Variants in HS6ST2 observed in about 807,000 individuals in gnomAD.
The protein encoded by HS6ST2 is heparan-sulfate 6-O-sulfotransferase 2.
HS6ST2 carries 17 observed loss-of-function variants against 33.0 expected under a neutral mutation model. The ratio of observed to expected loss-of-function variants is 0.52; its 90% confidence interval spans 0.35 to 0.77. The LOEUF is 0.77. Among genes scored for constraint, HS6ST2 ranks in the 30% least tolerant of loss-of-function variants. HS6ST2 has a pLI of 0.01. For synonymous variants in HS6ST2, 248 were observed against 237.1 expected (o/e 1.05, Z -0.42); for missense variants, 519 against 551.7 (o/e 0.94, Z 0.59).
chrX:132,673,073 T>C (rs1419348523), intron 3 of HS6ST2, among the ~76,000 whole-genome samples: 1 of 112,227 alleles, frequency 8.9e-6, no homozygotes, highest in Non-Finnish European at 1.9e-5. Context: ...GTACTGAAAT[T>C]TTAAGAATTA....
chrX:132,795,122 C>T (rs961133588), intron 2 of HS6ST2, among the ~76,000 whole-genome samples: 1 of 111,399 alleles, frequency 9.0e-6, no homozygotes, highest in African/African-American at 3.3e-5. Flanking sequence ...GAGACTACTC[C>T]TTCCTTCCAC....
At chrX:132,704,548 A>C (rs778284536) in intron 3 of HS6ST2, among the ~76,000 whole-genome samples, 2 of 111,146 alleles carry the variant, frequency 1.8e-5, no homozygotes, top group South Asian at 7.7e-4. Context: ...GAGCGAAAAA[A>C]ACTCGTCTCA....
chrX:132,827,421 A>C (rs1198022692), intron 2 of HS6ST2, among the ~76,000 whole-genome samples: 1 of 110,740 alleles, frequency 9.0e-6, no homozygotes, highest in African/African-American at 3.3e-5. Context: ...ACAGGATGTT[A>C]CAGCAAAGGA....
chrX:132,647,721 A>T (rs1423985477), intron 4 of HS6ST2, among the ~76,000 whole-genome samples: 2 of 112,507 alleles, frequency 1.8e-5, no homozygotes, highest in Non-Finnish European at 3.8e-5. Context: ...TAACCATGGG[A>T]CAGGAGGAGA....
intron 2 of HS6ST2, among the ~76,000 whole-genome samples, chrX:132,797,202 G>A (rs1241394882): frequency 1.8e-5 from 2 of 111,737 alleles, no homozygotes; most frequent in Non-Finnish European, 3.8e-5. Flanking sequence ...CAATTAATCT[G>A]CCATATCCTT....
chrX:132,876,022 A>C (rs1021676997), intron 2 of HS6ST2, among the ~76,000 whole-genome samples: 4 of 111,782 alleles, frequency 3.6e-5, no homozygotes, highest in Non-Finnish European at 5.6e-5. Context: ...TGGGAGATTT[A>C]AAAATGACCA....
chrX:132,801,140 C>T (rs770462670), intron 2 of HS6ST2, among the ~76,000 whole-genome samples: 2 of 110,965 alleles, frequency 1.8e-5, no homozygotes, highest in Non-Finnish European at 3.8e-5. Context: ...AGGGGTATAC[C>T]CAGAAACCCA....
intron 3 of HS6ST2, among the ~76,000 whole-genome samples, chrX:132,686,636 C>T (rs925153930): frequency 4.5e-5 from 5 of 111,844 alleles, no homozygotes; most frequent in Admixed American, 1.9e-4. Flanking sequence ...ACACCAGTCC[C>T]CCCAAGTGAT....
intron 2 of HS6ST2, among the ~76,000 whole-genome samples, chrX:132,916,499 T>C (rs777519772): frequency 8.9e-6 from 1 of 112,172 alleles, no homozygotes; most frequent in Admixed American, 9.4e-5. Flanking sequence ...TTTGTGAGGG[T>C]GTTGCCATAG....
intron 2 of HS6ST2, among the ~76,000 whole-genome samples, chrX:132,860,777 C>CTTTTTTTT: frequency 3.8e-5 from 2 of 52,896 alleles, no homozygotes; most frequent in Admixed American, 2.2e-4. Context: ...GCATGTGTAT[C>CTTTTTTTT]TTTTTTTTTT....
intron 3 of HS6ST2, among the ~76,000 whole-genome samples, chrX:132,700,141 G>T (rs1211011469): frequency 1.8e-5 from 2 of 111,881 alleles, no homozygotes; most frequent in Non-Finnish European, 3.8e-5. Context: ...GCCATGAGAA[G>T]AAAGACCAAT....
intron 2 of HS6ST2, among the ~76,000 whole-genome samples, chrX:132,891,375 T>A (rs958338464): frequency 5.7e-5 from 5 of 88,438 alleles, no homozygotes; most frequent in Non-Finnish European, 1.1e-4. Flanking sequence ...ACAAAAGTTT[T>A]TTTTATTTTT....
At chrX:132,668,240 T>C (rs2063824777) in intron 4 of HS6ST2, 1 of 111,823 alleles carries the variant, frequency 8.9e-6, no homozygotes, top group Non-Finnish European at 1.9e-5. Flanking sequence ...TTAGAGCTTT[T>C]AGCATGATGA....
chrX:132,851,852 G>T lies in HS6ST2; in HGVS notation c.947+104956C>A, dbSNP rs538056459. Among the ~76,000 whole-genome samples the T allele has an allele frequency of 3.1e-4, 35 of 111,420 alleles. No individual in the cohort carries two copies. The South Asian group carries it at 0.013, about 40-fold the overall frequency. ...CTTAGGGGATGATCTTTTTCAAAAG[G>T]TTGTGAGGCCAGGCAGGGTGGCTCA... On this transcript the variant is annotated intron_variant, in intron 2 of 4. Transcript: ENST00000370833.
At chrX:132,700,533 CAT>C (rs201749878) in intron 3 of HS6ST2, among the ~76,000 whole-genome samples, 239 of 101,543 alleles carry the variant, frequency 2.4e-3, no homozygotes, top group African/African-American at 5.1e-3. Context: ...CACATAAGAT[CAT>C]ATATATATAT....
At chrX:132,741,086 C>T (rs2064570237) in intron 2 of HS6ST2, among the ~76,000 whole-genome samples, 1 of 111,584 alleles carries the variant, frequency 9.0e-6, no homozygotes, top group African/African-American at 3.3e-5. Flanking sequence ...CTGCATGCTT[C>T]TGGGAGATGG....
intron 2 of HS6ST2, among the ~76,000 whole-genome samples, chrX:132,876,751 C>T (rs897809760): frequency 7.2e-5 from 8 of 111,304 alleles, no homozygotes; most frequent in African/African-American, 1.6e-4. Flanking sequence ...GGCCCCAACA[C>T]TCCTTGATGT....
At chrX:132,935,767 G>A (rs1300448508) in intron 2 of HS6ST2, among the ~76,000 whole-genome samples, 1 of 110,353 alleles carries the variant, frequency 9.1e-6, no homozygotes, top group Non-Finnish European at 1.9e-5. Context: ...TCAGAAAATT[G>A]TTTGATACAA....
At chrX:132,773,759 A>G (rs2064929535) in intron 2 of HS6ST2, among the ~76,000 whole-genome samples, 1 of 112,037 alleles carries the variant, frequency 8.9e-6, no homozygotes, top group Non-Finnish European at 1.9e-5. Context: ...TGTTTACATG[A>G]AATGTTCAAT....
Sources: allele counts gnomAD v4.1 joint callset (sites outside exome capture counted in the v4.1 genomes callset), GRCh38; gene constraint gnomAD v4.1.1; transcripts MANE v1.5; gene names NCBI Gene and HGNC (gene_info 2026-07-23, HGNC 2026-07-21).